Variants in PPP6R1 observed in about 807,000 individuals in gnomAD.
PPP6R1 encodes the protein protein phosphatase 6 regulatory subunit 1.
In PPP6R1, 39 loss-of-function variants were observed where a neutral mutation model predicts 104.6. That is an observed-to-expected ratio of 0.37 (90% CI 0.29 to 0.49). The LOEUF (loss-of-function observed/expected upper bound fraction) is 0.49. Among genes scored for constraint, PPP6R1 ranks in the 20% least tolerant of loss-of-function variants. The probability of loss-of-function intolerance (pLI) is 0.98; values close to 1 mark genes in which losing one functional copy is unlikely to be tolerated. For missense variants in PPP6R1, 1,181 were observed against 1,155.8 expected, an observed-to-expected ratio of 1.02 and a Z score of -0.32; for synonymous variants, 549 against 479.0, an observed-to-expected ratio of 1.15 and a Z score of -1.91.
chr19:55,240,830 C>A, intron 10 of PPP6R1, 115 bp downstream of exon 10: 1 of 1,419,436 alleles, frequency 7.0e-7, no homozygotes, highest in Non-Finnish European at 9.5e-7. Context: ...GCGCTGGCAC[C>A]TAACACTACC....
rs991397167 is a variant in PPP6R1, at chr19:55,245,994, T to C, written c.228-316A>G. ...CCCTTTTGCCTCTCAGCGGCTTCAC[T>C]TGCAACCCCGTATGCTGCCCCAGCT... On this transcript the variant is annotated intron_variant, in intron 2 of 23. Coordinates refer to ENST00000412770, the MANE Select transcript of PPP6R1 (RefSeq NM_014931.4). The surrounding 1 kb of genome is among the most constrained non-coding windows in gnomAD (Gnocchi z 6.4). 6.6e-6 allele frequency among the ~76,000 whole-genome samples: 1 copy of C among 152,142 alleles called. No homozygotes were observed. The highest frequency in any genetic ancestry group is 6.5e-5 in the Admixed American group (1 of 15,274).
At chr19:55,248,826 C>G (rs1600115233) in intron 1 of PPP6R1, among the ~76,000 whole-genome samples, 1 of 152,212 alleles carries the variant, frequency 6.6e-6, no homozygotes, top group South Asian at 2.1e-4. Context: ...CACATGGCCT[C>G]AGGCAGGTCG....
At position 55,239,392 on chromosome 19, in the gene PPP6R1, A is replaced by T. The variant is rs1362430406; in HGVS notation, c.1751+13T>A. ...GCAGGACAGGGCTGTGACCCTGCGC[A>T]GGAGACACTCACTTCACACTCTCCT... On this transcript the variant is annotated intron_variant, in intron 15 of 23. Transcript: ENST00000412770. 5.6e-6 allele frequency: 9 copies of T among 1,608,662 alleles called. No individual in the cohort carries two copies. The highest frequency in any genetic ancestry group is 7.7e-6 in the Non-Finnish European group (9 of 1,175,516).
At chr19:55,230,707 T>G (rs1376657329) in intron 22 of PPP6R1, 23 bp from the exon 23 acceptor site, 1 of 1,550,074 alleles carries the variant, frequency 6.5e-7, no homozygotes, top group Admixed American at 1.9e-5. Flanking sequence ...AGAGGGGATG[T>G]GCAGAGGTCA....
chr19:55,239,533 G>T, intron 14 of PPP6R1, 31 bp from the exon 15 acceptor site: 1 of 1,611,858 alleles, frequency 6.2e-7, no homozygotes, highest in Non-Finnish European at 8.5e-7. Flanking sequence ...GGGCTGGAGG[G>T]AGTTGGGCAG....
At position 55,245,638 on chromosome 19, in the gene PPP6R1, G is replaced by A; in HGVS notation, c.268C>T (p.Pro90Ser). ...VACEILTSDV[P>S]QINDALGADE... ...GCACCCAGGGCATCATTGATCTGGG[G>A]CACATCTGAGGTCAGAATCTCGCAG... The change falls in exon 3 of 24, where the codon CCC (proline) becomes TCC (serine). Residue 90 changes from proline (P) to serine (S), a missense_variant. Pro to Ser is a moderately conservative substitution (Grantham distance 74, BLOSUM62 -1). Around this residue, in one of 2 missense-constraint regions of PPP6R1, gnomAD observed 139 missense variants for 200.1 expected, o/e 0.69. Transcript: ENST00000412770. This position sits in a 1 kb window ranked among gnomAD's most constrained non-coding sequence, Gnocchi z 6.4. The A allele has an allele frequency of 2.5e-6, 4 of 1,610,152 alleles. No individual in the cohort carries two copies. In the South Asian group the frequency reaches 4.4e-5, roughly 18 times the overall value.
chr19:55,246,867 G>A lies in PPP6R1; in HGVS notation c.227+10C>T. ...ATAGGGACGGGCTGGCCAGGAGCTG[G>A]GGAACTCACTTGTAGCGCAGCCGCT... On this transcript the variant is annotated intron_variant, in intron 2 of 23. Transcript: ENST00000412770. The A allele has an allele frequency of 1.3e-6, 2 of 1,575,076 alleles. No homozygotes were observed. The highest frequency in any genetic ancestry group is 1.2e-5 in the South Asian group (1 of 86,602).
At position 55,245,089 on chromosome 19, in the gene PPP6R1, G is replaced by C; in HGVS notation, c.618+31C>G. 6.2e-7 allele frequency: 1 copy of C among 1,610,384 alleles called. No homozygotes were observed. Among genetic ancestry groups the C allele is most frequent in the Admixed American group, 1.7e-5 (1 of 59,472 alleles). ...GTGGGCATGGGGAAGGAACTCTAAG[G>C]GGAATCCGCAGGGGCATCGGCAGCA... On this transcript the variant is annotated intron_variant, in intron 5 of 23. Coordinates refer to ENST00000412770, the MANE Select transcript of PPP6R1 (RefSeq NM_014931.4). The surrounding 1 kb of genome is among the most constrained non-coding windows in gnomAD (Gnocchi z 6.4).
At chr19:55,253,562 G>A (rs956036124) in intron 1 of PPP6R1, among the ~76,000 whole-genome samples, 18 of 152,192 alleles carry the variant, frequency 1.2e-4, no homozygotes, top group African/African-American at 3.9e-4. Context: ...GAGAACCCAG[G>A]CAGCGCCCTG....
intron 17 of PPP6R1, among the ~76,000 whole-genome samples, chr19:55,233,783 C>T (rs2087370694): frequency 6.6e-6 from 1 of 152,120 alleles, no homozygotes; most frequent in African/African-American, 2.4e-5. Flanking sequence ...AATTTTAAGA[C>T]CTATATAAAA....
At chr19:55,239,329 G>A (rs2087428151) in intron 15 of PPP6R1, 76 bp downstream of exon 15, 3 of 1,404,158 alleles carry the variant, frequency 2.1e-6, no homozygotes, top group East Asian at 2.4e-5. Context: ...GGTGCGTGCA[G>A]GGGACAGATA....
chr19:55,241,234 C>T lies in PPP6R1; in HGVS notation c.1161+5G>A, dbSNP rs776149655. 1.2e-5 allele frequency: 19 copies of T among 1,577,776 alleles called. No individual in the cohort carries two copies. The East Asian group carries it at 2.5e-4, about 21-fold the overall frequency. ...TGAACCCCCAGCCCGGTCCAGTCCC[C>T]GCACCAGCATGGTGTTGGGCACGTC... is the stretch of plus-strand genomic sequence containing the variant. On this transcript the variant is annotated splice_donor_5th_base_variant and intron_variant, in intron 9 of 23. Coordinates refer to ENST00000412770, the MANE Select transcript of PPP6R1 (RefSeq NM_014931.4). This position sits in a 1 kb window ranked among gnomAD's most constrained non-coding sequence, Gnocchi z 5.4.
rs1426443734 is a variant in PPP6R1 at position 55,241,292 on chromosome 19, C to T, written c.1108G>A (p.Asp370Asn). Residue 370 changes from aspartate (D) to asparagine (N), a missense_variant, in exon 9 of 24, where the codon GAT becomes AAT. Physicochemically the swap from Asp to Asn is conservative, Grantham distance 23 (BLOSUM62 1). Around this residue, in one of 2 missense-constraint regions of PPP6R1, gnomAD observed 1,042 missense variants for 955.6 expected, o/e 1.09. Coordinates refer to ENST00000412770, the MANE Select transcript of PPP6R1 (RefSeq NM_014931.4). This position sits in a 1 kb window ranked among gnomAD's most constrained non-coding sequence, Gnocchi z 5.4. ...KLLASALSAN[D>N]AALTHELLAL... ...AGGAGCTCGTGCGTCAGGGCTGCAT[C>T]ATTGGCGCTCAGGGCACTGGCCAGG... 1 of 1,611,156 alleles carries T rather than the reference C, an allele frequency of 6.2e-7. No individual in the cohort carries two copies.
At position 55,241,826 on chromosome 19, in the gene PPP6R1, A is replaced by G. The variant is rs2087460936; in HGVS notation, c.846-187T>C. Reference sequence around the variant, plus strand: ...GGTGGGGAGCCCGCCAGGCGGCAGCATTGGCAGTCCACTGTGAGAGCACGG... The same window carrying G: ...GGTGGGGAGCCCGCCAGGCGGCAGCGTTGGCAGTCCACTGTGAGAGCACGG... On this transcript the variant is annotated intron_variant, in intron 7 of 23. Coordinates refer to ENST00000412770, the MANE Select transcript of PPP6R1 (RefSeq NM_014931.4). This position sits in a 1 kb window ranked among gnomAD's most constrained non-coding sequence, Gnocchi z 5.4. 6.6e-6 allele frequency among the ~76,000 whole-genome samples: 1 copy of G among 152,158 alleles called. No individual in the cohort carries two copies. The highest frequency in any genetic ancestry group is 1.5e-5 in the Non-Finnish European group (1 of 68,008).
In PPP6R1 at chr19:55,239,702, G is replaced by A. The variant is rs200123165; in HGVS notation, c.1564-19C>T. Reference sequence around the variant, plus strand: ...TGTTCACCTGGGGAGAGGAGGGGGCGTCAGGGCCTGCTGGAGCCCCCAGAC... The same window carrying A: ...TGTTCACCTGGGGAGAGGAGGGGGCATCAGGGCCTGCTGGAGCCCCCAGAC... On this transcript the variant is annotated intron_variant, in intron 13 of 23. Coordinates refer to ENST00000412770, the MANE Select transcript of PPP6R1 (RefSeq NM_014931.4). The A allele has an allele frequency of 1.6e-4, 253 of 1,600,176 alleles. 2 individuals carry two copies. The African/African-American group carries it at 3.0e-3, about 19-fold the overall frequency.
At chr19:55,242,900 G>A (rs758743150) in intron 5 of PPP6R1, among the ~76,000 whole-genome samples, 2 of 152,204 alleles carry the variant, frequency 1.3e-5, no homozygotes, top group Non-Finnish European at 2.9e-5. Flanking sequence ...GCTAGAGAAA[G>A]AAACCACACA....
chr19:55,251,910 G>A (rs1401220812), intron 1 of PPP6R1, among the ~76,000 whole-genome samples: 1 of 152,048 alleles, frequency 6.6e-6, no homozygotes, highest in African/African-American at 2.4e-5. Flanking sequence ...AGGCTGTGGC[G>A]AGCAAAGCAC....
At chr19:55,247,683 G>A (rs988672501) in intron 1 of PPP6R1, among the ~76,000 whole-genome samples, 5 of 152,220 alleles carry the variant, frequency 3.3e-5, no homozygotes, top group Non-Finnish European at 5.9e-5. Context: ...CCAAGGCTAC[G>A]TGGGAGGCAT....
At position 55,244,414 on chromosome 19, in the gene PPP6R1, G is replaced by T. The variant is rs77619334; in HGVS notation, c.618+706C>A. Reference sequence around the variant, plus strand: ...CCCCCAGAGCTAAAGGGGAGGATGTGAGGGCGCTTGAAAGCAAGGCTGCTG... The same window carrying T: ...CCCCCAGAGCTAAAGGGGAGGATGTTAGGGCGCTTGAAAGCAAGGCTGCTG... On this transcript the variant is annotated intron_variant, in intron 5 of 23. Coordinates refer to ENST00000412770, the MANE Select transcript of PPP6R1 (RefSeq NM_014931.4). Among the ~76,000 whole-genome samples, 121 of 152,360 alleles carry T rather than the reference G, an allele frequency of 7.9e-4. 1 individual carries two copies. Among genetic ancestry groups the T allele is most frequent in the African/African-American group, 2.7e-3 (114 of 41,590 alleles).
Sources: gnomAD v4.1 joint callset for allele counts (sites outside exome capture counted in the v4.1 genomes callset) on GRCh38, gnomAD v4.1.1 for gene constraint, gnomAD v4.1.1 regional missense constraint, Gnocchi (gnomAD v3.1) non-coding constraint, MANE v1.5 for transcripts, NCBI Gene and HGNC (gene_info 2026-07-23, HGNC 2026-07-21) for gene names.